ZFYVE28: variants seen among roughly 807,000 people sequenced by gnomAD.
ZFYVE28 encodes lateral signaling target protein 2 homolog.
ZFYVE28 carries 40 observed loss-of-function variants against 82.1 expected under a neutral mutation model. The observed-to-expected ratio is 0.49, with a 90% CI of 0.38 to 0.63. The LOEUF (loss-of-function observed/expected upper bound fraction) is 0.63. Ranked by LOEUF, ZFYVE28 falls within the 30% of genes least tolerant of loss-of-function variation. The probability of loss-of-function intolerance (pLI) is 0.00; values close to 1 mark genes in which losing one functional copy is unlikely to be tolerated. For synonymous variants in ZFYVE28, 612 were observed against 546.1 expected (o/e 1.12, Z -1.68); for missense variants, 1,321 against 1,242.1 (o/e 1.06, Z -0.96).
Position 2,417,462 on chromosome 4 carries a change from C to T in ZFYVE28, c.39+823G>A, listed in dbSNP as rs1158159125. Among the ~76,000 whole-genome samples, 1 of 150,548 alleles carries T rather than the reference C, an allele frequency of 6.6e-6. No homozygotes were observed. Among genetic ancestry groups the T allele is most frequent in the Non-Finnish European group, 1.5e-5 (1 of 67,530 alleles). On this transcript the variant is annotated intron_variant, in intron 1 of 12. Transcript: ENST00000290974. This position sits in a 1 kb window ranked among gnomAD's most constrained non-coding sequence, Gnocchi z 4.8. ...GAGGCACGGGGCGCGCCGCCCGGAC[C>T]CCGACCCCGCGGCGCTAGGAGAGGC...
intron 1 of ZFYVE28, among the ~76,000 whole-genome samples, chr4:2,393,706 C>G (rs1006902959): frequency 6.6e-6 from 1 of 152,242 alleles, no homozygotes; most frequent in Non-Finnish European, 1.5e-5. Context: ...AGACTCCCGC[C>G]GGCCCCTTGC....
chr4:2,418,127 C>G lies in ZFYVE28; in HGVS notation c.39+158G>C, dbSNP rs961302982. 6.6e-6 allele frequency among the ~76,000 whole-genome samples: 1 copy of G among 151,996 alleles called. No individual in the cohort carries two copies. The highest frequency in any genetic ancestry group is 2.4e-5 in the African/African-American group (1 of 41,412). Reference sequence around the variant, plus strand: ...GCCTCAGAGACAGGGCGATGAAGATCTGTCCAAGTCTTGGAGTGGAGGGAA... The same window carrying G: ...GCCTCAGAGACAGGGCGATGAAGATGTGTCCAAGTCTTGGAGTGGAGGGAA... On this transcript the variant is annotated intron_variant, in intron 1 of 12. Transcript: ENST00000290974. The surrounding 1 kb of genome is among the most constrained non-coding windows in gnomAD (Gnocchi z 4.6).
rs946192921 is a variant in ZFYVE28 at position 2,391,327 on chromosome 4, G to A, written c.39+26958C>T. On this transcript the variant is annotated intron_variant, in intron 1 of 12. Transcript: ENST00000290974. ...CTCCCAACCCGCGCTCATGTGTGGC[G>A]GAAGAGCCTCGTTCCCTCCCTCCCG... 3.9e-5 allele frequency among the ~76,000 whole-genome samples: 6 copies of A among 152,024 alleles called. No homozygotes were observed. In the East Asian group the frequency reaches 5.8e-4, roughly 15 times the overall value.
rs193090858 is a variant in ZFYVE28 at position 2,328,934 on chromosome 4, T to C, written c.701+6771A>G. The C allele has an allele frequency of 1.5e-3, 708 of 480,058 alleles. 2 individuals carry two copies. Among genetic ancestry groups the C allele is most frequent in the Non-Finnish European group, 2.2e-3 (575 of 266,590 alleles). 29.7% of individuals were successfully genotyped at this position (480,058 alleles called of 1,614,324 possible). A position where few individuals can be genotyped will look rare whatever the true frequency, so the allele number is the denominator to read the frequency against. ...CCCCTTGTCAATAATCAGTTCACCA[T>C]AGATGTTTGGGTTTATTTATGGCTT... On this transcript the variant is annotated intron_variant, in intron 6 of 12. Transcript: ENST00000290974.
rs78667709 is a variant in ZFYVE28 at position 2,320,867 on chromosome 4, C to T, written c.702-596G>A. ...AAGCTCCCCTCCCCAGGACTGGGGCCGCATGTGGCTGAGGCCGGCTTTCCT... is the reference window on the plus strand; with the variant it reads ...AAGCTCCCCTCCCCAGGACTGGGGCTGCATGTGGCTGAGGCCGGCTTTCCT... On this transcript the variant is annotated intron_variant, in intron 6 of 12. Coordinates refer to ENST00000290974, the MANE Select transcript of ZFYVE28 (RefSeq NM_020972.3). The surrounding 1 kb of genome is among the most constrained non-coding windows in gnomAD (Gnocchi z 5.1). Among the ~76,000 whole-genome samples the T allele has an allele frequency of 5.6e-3, 860 of 152,248 alleles. 7 individuals are homozygous for T. The highest frequency in any genetic ancestry group is 0.02 in the African/African-American group (811 of 41,558).
intron 1 of ZFYVE28, among the ~76,000 whole-genome samples, chr4:2,383,114 A>G (rs1728896542): frequency 6.6e-6 from 1 of 152,098 alleles, no homozygotes. Flanking sequence ...GACTGTTGGG[A>G]AAGCATGATT....
Position 2,320,542 on chromosome 4 carries a change from G to C in ZFYVE28, c.702-271C>G, listed in dbSNP as rs1210187235. On this transcript the variant is annotated intron_variant, in intron 6 of 12. Coordinates refer to ENST00000290974, the MANE Select transcript of ZFYVE28 (RefSeq NM_020972.3). This position sits in a 1 kb window ranked among gnomAD's most constrained non-coding sequence, Gnocchi z 5.1. ...GGGGTCATAAAGTAATCAGAAAAGT[G>C]TATCTGCACACATCAGTGCTGCAAT... 6.6e-6 allele frequency among the ~76,000 whole-genome samples: 1 copy of C among 152,248 alleles called. No homozygotes were observed. The highest frequency in any genetic ancestry group is 1.5e-5 in the Non-Finnish European group (1 of 68,048).
At chr4:2,338,122 C>T (rs918714276) in intron 4 of ZFYVE28, among the ~76,000 whole-genome samples, 7 of 152,208 alleles carry the variant, frequency 4.6e-5, no homozygotes, top group African/African-American at 1.2e-4. Context: ...AACACGTGCA[C>T]GGGTGGGTGA....
At chr4:2,334,406 C>T (rs530607496) in intron 6 of ZFYVE28, among the ~76,000 whole-genome samples, 1 of 152,002 alleles carries the variant, frequency 6.6e-6, no homozygotes, top group South Asian at 2.1e-4. Flanking sequence ...GCACTTCTGT[C>T]CCCTGCAGGC....
At chr4:2,283,595 C>CATCCATCCATCCACCT (rs1712294283) in intron 8 of ZFYVE28, among the ~76,000 whole-genome samples, 1 of 152,074 alleles carries the variant, frequency 6.6e-6, no homozygotes, top group Admixed American at 6.5e-5. Flanking sequence ...TCCATCCATC[C>CATCCATCCATCCACCT]ATCCATCCAT....
At chr4:2,373,851 A>G (rs541544878) in intron 1 of ZFYVE28, among the ~76,000 whole-genome samples, 3 of 152,308 alleles carry the variant, frequency 2.0e-5, no homozygotes, top group Admixed American at 2.0e-4. Context: ...CTCCACTTTC[A>G]AAACCCAAAA....
intron 8 of ZFYVE28, among the ~76,000 whole-genome samples, chr4:2,275,313 G>C (rs990448610): frequency 2.6e-5 from 4 of 152,140 alleles, no homozygotes; most frequent in Non-Finnish European, 4.4e-5. Context: ...GGTTCACCTC[G>C]CCCAACTCTA....
intron 1 of ZFYVE28, chr4:2,406,684 G>A (rs12499021): frequency 0.31 from 46,834 of 152,178 alleles, 8,319 homozygotes; most frequent in East Asian, 0.52. Context: ...ATTGTTCAAC[G>A]CACAGGTGCA....
chr4:2,348,753 A>G (rs1723939658), intron 2 of ZFYVE28, among the ~76,000 whole-genome samples: 1 of 152,202 alleles, frequency 6.6e-6, no homozygotes, highest in Non-Finnish European at 1.5e-5. Context: ...ATGGTCTAAC[A>G]TCTGCATTTT....
chr4:2,341,728 T>A lies in ZFYVE28; in HGVS notation c.181-113A>T. The stretch of plus-strand genomic sequence containing the variant: ...TGACTGTTTTTTAGGATTATTAAAG[T>A]GATAGAGGAGGCTAGGCACGGTGGC... On this transcript the variant is annotated intron_variant, in intron 2 of 12. Transcript: ENST00000290974. This position sits in a 1 kb window ranked among gnomAD's most constrained non-coding sequence, Gnocchi z 4.5. The A allele has an allele frequency of 6.9e-7, 1 of 1,459,334 alleles. No individual in the cohort carries two copies. 90.4% of individuals were successfully genotyped at this position (1,459,334 alleles called of 1,614,324 possible).
At chr4:2,348,386 A>T (rs752830847) in intron 2 of ZFYVE28, among the ~76,000 whole-genome samples, 1 of 152,236 alleles carries the variant, frequency 6.6e-6, no homozygotes, top group Non-Finnish European at 1.5e-5. Context: ...TTTAAGAAGA[A>T]CTAACACTAC....
At chr4:2,407,843 C>T (rs561157262) in intron 1 of ZFYVE28, among the ~76,000 whole-genome samples, 5 of 152,222 alleles carry the variant, frequency 3.3e-5, no homozygotes, top group East Asian at 3.9e-4. Flanking sequence ...GCCTCGGCTT[C>T]GCAAAGTGCT....
At chr4:2,334,606 C>T (rs761615064) in intron 6 of ZFYVE28, among the ~76,000 whole-genome samples, 6 of 151,780 alleles carry the variant, frequency 4.0e-5, no homozygotes, top group South Asian at 4.2e-4. Flanking sequence ...CTGGACCAGT[C>T]GTGGCCTCTG....
chr4:2,307,642 C>A (rs533444871), intron 7 of ZFYVE28, among the ~76,000 whole-genome samples: 1 of 152,144 alleles, frequency 6.6e-6, no homozygotes, highest in South Asian at 2.1e-4. Flanking sequence ...ACCACCGTAT[C>A]TGGCTAATTA....
Sources: gnomAD v4.1 joint callset for allele counts (sites outside exome capture counted in the v4.1 genomes callset) on GRCh38, gnomAD v4.1.1 for gene constraint, Gnocchi (gnomAD v3.1) non-coding constraint, MANE v1.5 for transcripts, NCBI Gene and HGNC (gene_info 2026-07-23, HGNC 2026-07-21) for gene names.